Variants in ARHGAP10 observed in about 807,000 individuals in gnomAD.
ARHGAP10 encodes the protein rho GTPase-activating protein 10.
In ARHGAP10, 87 loss-of-function variants were observed where a neutral mutation model predicts 108.6. That is an observed-to-expected ratio of 0.80 (90% CI 0.67 to 0.96). The LOEUF (loss-of-function observed/expected upper bound fraction) is 0.96. Among genes scored for constraint, ARHGAP10 ranks in the 40% least tolerant of loss-of-function variants. ARHGAP10 has a pLI of 0.00. For synonymous variants in ARHGAP10, 347 were observed against 341.1 expected (o/e 1.02, Z -0.19); for missense variants, 939 against 954.5 (o/e 0.98, Z 0.21).
intron 16 of ARHGAP10, among the ~76,000 whole-genome samples, chr4:147,961,764 C>T (rs1035684194): frequency 3.9e-5 from 6 of 152,156 alleles, no homozygotes; most frequent in African/African-American, 1.4e-4. Flanking sequence ...CCCTTAATCC[C>T]AGTGTTTCCA....
At chr4:147,778,467 ATGG>A (rs571057267) in intron 1 of ARHGAP10, among the ~76,000 whole-genome samples, 206 of 152,300 alleles carry the variant, frequency 1.4e-3, no homozygotes, top group African/African-American at 3.8e-3. Flanking sequence ...AGAGCATTAA[ATGG>A]TGGGCAAAAG....
intron 18 of ARHGAP10, among the ~76,000 whole-genome samples, chr4:148,008,686 A>G (rs748976785): frequency 3.9e-5 from 6 of 152,124 alleles, no homozygotes; most frequent in African/African-American, 7.2e-5. Flanking sequence ...CAGACGTACT[A>G]TATCAGCATG....
intron 1 of ARHGAP10, among the ~76,000 whole-genome samples, chr4:147,791,940 A>G (rs1731142051): frequency 6.6e-6 from 1 of 152,086 alleles, no homozygotes; most frequent in African/African-American, 2.4e-5. Context: ...GTGTTTCCAA[A>G]TTTTCATTAA....
chr4:148,007,261 TTAAGA>T (rs1301100072), intron 18 of ARHGAP10, among the ~76,000 whole-genome samples: 1 of 152,162 alleles, frequency 6.6e-6, no homozygotes, highest in African/African-American at 2.4e-5. Context: ...AAAAGGAACA[TTAAGA>T]TGAGATGAGA....
At chr4:147,941,546 C>A (rs1049999697) in intron 14 of ARHGAP10, among the ~76,000 whole-genome samples, 2 of 152,170 alleles carry the variant, frequency 1.3e-5, no homozygotes, top group African/African-American at 4.8e-5. Flanking sequence ...CAACCTCACA[C>A]ATATTGCTGG....
chr4:147,973,527 G>A (rs190503631), intron 18 of ARHGAP10, among the ~76,000 whole-genome samples: 25 of 152,280 alleles, frequency 1.6e-4, no homozygotes, highest in African/African-American at 5.1e-4. Context: ...TCCATTCTTT[G>A]TGTTACAAGC....
At chr4:147,767,591 C>T (rs1729890073) in intron 1 of ARHGAP10, among the ~76,000 whole-genome samples, 1 of 152,146 alleles carries the variant, frequency 6.6e-6, no homozygotes, top group African/African-American at 2.4e-5. Context: ...TAAGTGTGCA[C>T]CTGTAGTCCC....
intron 1 of ARHGAP10, chr4:147,745,480 A>C (rs1343234511): frequency 1.3e-5 from 2 of 155,730 alleles, no homozygotes; most frequent in African/African-American, 4.8e-5. Flanking sequence ...CTCAGAGCAC[A>C]AAGTGTTTGT....
intron 22 of ARHGAP10, among the ~76,000 whole-genome samples, chr4:148,064,796 C>A (rs540396856): frequency 6.6e-6 from 1 of 152,328 alleles, no homozygotes; most frequent in East Asian, 1.9e-4. Context: ...GCTAGTGTCA[C>A]TTGGACTTAA....
chr4:148,064,575 G>T, intron 22 of ARHGAP10, 68 bp downstream of exon 22: 1 of 1,387,678 alleles, frequency 7.2e-7, no homozygotes, highest in South Asian at 1.2e-5. Context: ...AGCATGGAGT[G>T]AGCAGTCAGC....
intron 1 of ARHGAP10, among the ~76,000 whole-genome samples, chr4:147,753,519 T>TG (rs543473106): frequency 2.6e-5 from 2 of 77,412 alleles, no homozygotes; most frequent in Non-Finnish European, 4.7e-5. Context: ...AATTTTTTGG[T>TG]TTTTTTTTTT....
At chr4:147,903,392 G>A (rs2126903975) in intron 10 of ARHGAP10, among the ~76,000 whole-genome samples, 1 of 152,236 alleles carries the variant, frequency 6.6e-6, no homozygotes, top group Non-Finnish European at 1.5e-5. Flanking sequence ...CACATGCATA[G>A]CATTCCCCAT....
chr4:147,806,584 A>G (rs953454122), intron 1 of ARHGAP10, among the ~76,000 whole-genome samples: 2 of 152,102 alleles, frequency 1.3e-5, no homozygotes, highest in Non-Finnish European at 2.9e-5. Flanking sequence ...TCATCAAGAA[A>G]GTATTGCTGT....
chr4:147,863,699 T>C (rs1365419503), intron 5 of ARHGAP10: 1 of 152,232 alleles, frequency 6.6e-6, no homozygotes, highest in Non-Finnish European at 1.5e-5. Context: ...TAACTGCTGG[T>C]GGCTGAACTA....
intron 1 of ARHGAP10, among the ~76,000 whole-genome samples, chr4:147,806,387 C>T (rs1419825805): frequency 6.7e-6 from 1 of 150,084 alleles, no homozygotes; most frequent in Admixed American, 6.7e-5. Context: ...AATCAGATAA[C>T]ATATATTATT....
At chr4:148,021,631 C>T (rs534834320) in intron 18 of ARHGAP10, among the ~76,000 whole-genome samples, 100 of 152,166 alleles carry the variant, frequency 6.6e-4, no homozygotes, top group African/African-American at 1.4e-3. Flanking sequence ...TCACTGTTAT[C>T]GGACTTCTCA....
At chr4:148,005,510 G>A (rs964676613) in intron 18 of ARHGAP10, among the ~76,000 whole-genome samples, 1 of 152,006 alleles carries the variant, frequency 6.6e-6, no homozygotes, top group Non-Finnish European at 1.5e-5. Flanking sequence ...TGGCCCTTTT[G>A]TGGTTTTCTT....
intron 20 of ARHGAP10, among the ~76,000 whole-genome samples, chr4:148,056,058 G>GT (rs1453249912): frequency 1.3e-5 from 2 of 152,182 alleles, no homozygotes; most frequent in Non-Finnish European, 2.9e-5. Flanking sequence ...AGTTGTTTAC[G>GT]TTTTGTCTGT....
intron 1 of ARHGAP10, among the ~76,000 whole-genome samples, chr4:147,749,128 G>A (rs1246221769): frequency 2.0e-5 from 3 of 152,088 alleles, no homozygotes; most frequent in Non-Finnish European, 2.9e-5. Context: ...CCGTTGCTTG[G>A]TTGATTAATT....
Sources: gnomAD v4.1 joint callset for allele counts (sites outside exome capture counted in the v4.1 genomes callset) on GRCh38, gnomAD v4.1.1 for gene constraint, MANE v1.5 for transcripts, NCBI Gene and HGNC (gene_info 2026-07-23, HGNC 2026-07-21) for gene names.